Variants in AIFM3 observed in about 807,000 individuals in gnomAD.
The protein encoded by AIFM3 is apoptosis-inducing factor 3.
AIFM3 carries 71 observed loss-of-function variants against 82.7 expected under a neutral mutation model. The observed-to-expected ratio is 0.86, with a 90% confidence interval of 0.71 to 1.05. AIFM3 has a LOEUF of 1.05. AIFM3 is among the 50% of genes least tolerant of loss of function. AIFM3 has a pLI of 0.00. For missense variants in AIFM3, 748 were observed against 816.7 expected, an observed-to-expected ratio of 0.92 and a Z score of 1.03; for synonymous variants, 337 against 329.1, an observed-to-expected ratio of 1.02 and a Z score of -0.26.
At chr22:20,979,581 C>A in intron 17 of AIFM3, 46 bp from the exon 18 acceptor site, 1 of 1,608,794 alleles carries the variant, frequency 6.2e-7, no homozygotes, top group South Asian at 1.1e-5. Context: ...ACGTCTCGTT[C>A]CCTCCCCCGG....
At chr22:20,968,505 G>A (rs1382396015) in intron 2 of AIFM3, among the ~76,000 whole-genome samples, 1 of 151,000 alleles carries the variant, frequency 6.6e-6, no homozygotes, top group African/African-American at 2.4e-5. Flanking sequence ...CTGCCTTCTT[G>A]GCCTTTCTGG....
chr22:20,973,762 C>A lies in AIFM3; in HGVS notation c.250C>A (p.Arg84=), dbSNP rs377274696. ...HVKDLENGQM[R]EVELGWGKVL... ...CTGAGTGCTGCGGTTCCCCAGGATG[C>A]GGGAAGTGGAGCTGGGCTGGGGGAA... Residue 84 remains arginine, a synonymous_variant, in exon 4 of 21, where the codon CGG becomes AGG. Transcript: ENST00000440238. 1.8e-4 allele frequency: 285 copies of A among 1,556,022 alleles called. No individual in the cohort carries two copies. The highest frequency in any genetic ancestry group is 2.4e-4 in the Non-Finnish European group (274 of 1,150,870).
At chr22:20,972,095 GAA>G in intron 2 of AIFM3, among the ~76,000 whole-genome samples, 1 of 152,202 alleles carries the variant, frequency 6.6e-6, no homozygotes, top group Non-Finnish European at 1.5e-5. Context: ...AAATTGGTGA[GAA>G]GAGCTATTTT....
In AIFM3 at chr22:20,973,779, C is replaced by A; in HGVS notation, c.267C>A (p.Gly89=). The A allele has an allele frequency of 6.3e-7, 1 of 1,577,320 alleles. No homozygotes were observed. Among genetic ancestry groups the A allele is most frequent in the South Asian group, 1.2e-5 (1 of 85,092 alleles). ...ENGQMREVEL[G]WGKVLLVKDN... ...CCAGGATGCGGGAAGTGGAGCTGGG[C>A]TGGGGGAAGGTGTTGCTGGTGAAGG... The change falls in exon 4 of 21, where the codon GGC becomes GGA. Residue 89 remains glycine (G), a synonymous_variant. Transcript: ENST00000440238.
At chr22:20,966,077 C>T (rs1465856865), upstream of AIFM3, among the ~76,000 whole-genome samples, 1 of 152,098 alleles carries the variant, frequency 6.6e-6, no homozygotes, top group African/African-American at 2.4e-5. Flanking sequence ...CACAGGGGCC[C>T]CACCCAGTCT....
intron 8 of AIFM3, 89 bp downstream of exon 8, chr22:20,974,905 G>A: frequency 3.8e-6 from 5 of 1,323,182 alleles, no homozygotes; most frequent in Non-Finnish European, 4.2e-6. Flanking sequence ...ATTGGGGTCT[G>A]GCCGGCTGCC....
chr22:20,977,622 G>A, intron 14 of AIFM3, 78 bp from the exon 15 acceptor site: 1 of 1,571,326 alleles, frequency 6.4e-7, no homozygotes, highest in Non-Finnish European at 8.8e-7. Context: ...GGCACATCAA[G>A]CGCATGCTGT....
At chr22:20,979,524 A>C in intron 17 of AIFM3, 103 bp from the exon 18 acceptor site, 1 of 1,497,050 alleles carries the variant, frequency 6.7e-7, no homozygotes, top group Non-Finnish European at 9.3e-7. Flanking sequence ...ACTACCTAAA[A>C]GGACGTATGG....
Position 20,976,907 on chromosome 22 carries a change from A to T in AIFM3, c.1187A>T (p.Glu396Val). Residue 396 changes from glutamate (E) to valine (V), a missense_variant, in exon 13 of 21, where the codon GAG becomes GTG. Physicochemically the swap from Glu to Val is moderately radical, Grantham distance 121. Transcript: ENST00000440238. ...CGGGTGAAGTTCTACATGCAGACGGAGGTGTCTGAGCTGCGGGGCCAGGAG... is the reference window on the plus strand; with the variant it reads ...CGGGTGAAGTTCTACATGCAGACGGTGGTGTCTGAGCTGCGGGGCCAGGAG... Reference protein sequence around the residue: ...NNRVKFYMQTEVSELRGQEGK... With the variant: ...NNRVKFYMQTVVSELRGQEGK... The T allele has an allele frequency of 6.2e-7, 1 of 1,608,994 alleles. No individual in the cohort carries two copies. The highest frequency in any genetic ancestry group is 8.5e-7 in the Non-Finnish European group (1 of 1,176,482).
chr22:20,974,903 C>A, intron 8 of AIFM3, 87 bp downstream of exon 8: 1 of 1,329,028 alleles, frequency 7.5e-7, no homozygotes, highest in Non-Finnish European at 1.1e-6. Context: ...CCATTGGGGT[C>A]TGGCCGGCTG....
chr22:20,980,638 A>T, intron 19 of AIFM3, 109 bp from the exon 20 acceptor site: 1 of 1,469,524 alleles, frequency 6.8e-7, no homozygotes, highest in Non-Finnish European at 9.5e-7. Context: ...AGGCTATGAG[A>T]CAGGGGCAGG....
Position 20,974,147 on chromosome 22 carries a change from G to T in AIFM3, c.440G>T (p.Gly147Val). The T allele has an allele frequency of 6.2e-7, 1 of 1,613,390 alleles. No individual in the cohort carries two copies. Among genetic ancestry groups the T allele is most frequent in the Non-Finnish European group, 8.5e-7 (1 of 1,179,916 alleles). The part of the protein sequence containing the change: ...ISTGDLEDFP[G>V]LDSLHKFQVK... ...ACTGGGGACCTGGAGGACTTCCCTG[G>T]CCTGGACAGTCTACACAAGTTCCAG... is the stretch of plus-strand genomic sequence containing the variant. Residue 147 changes from glycine to valine, a missense_variant, in exon 5 of 21, where the codon GGC (glycine) becomes GTC (valine). Physicochemically the swap from Gly to Val is moderately radical, Grantham distance 109. This residue lies in a region of AIFM3 where 393 missense variants were observed against 481.1 expected (regional missense o/e 0.82). Coordinates refer to ENST00000440238, the MANE Select transcript of AIFM3 (RefSeq NM_001386814.1).
At chr22:20,977,620 A>C in intron 14 of AIFM3, 80 bp from the exon 15 acceptor site, 4 of 1,560,374 alleles carry the variant, frequency 2.6e-6, no homozygotes, top group Non-Finnish European at 2.6e-6. Flanking sequence ...CTGGCACATC[A>C]AGCGCATGCT....
chr22:20,973,736 T>A (rs1171031260), intron 3 of AIFM3, 22 bp from the exon 4 acceptor site: 3 of 1,525,370 alleles, frequency 2.0e-6, no homozygotes, highest in African/African-American at 1.4e-5. Context: ...TGGCCTGACC[T>A]CTGAGTGCTG....
chr22:20,979,931 TG>T, intron 18 of AIFM3, 88 bp from the exon 19 acceptor site: 1 of 1,315,242 alleles, frequency 7.6e-7, no homozygotes, highest in Non-Finnish European at 1.1e-6. Context: ...GGTCCTTCCC[TG>T]GGCCCCAGAT....
In AIFM3 at chr22:20,976,878, C is replaced by T; in HGVS notation, c.1158C>T (p.Asn386=). ...ACTTGCCCTGACAGATGTTTGAGAA[C>T]AACCGGGTGAAGTTCTACATGCAGA... ...VGRALMKMFE[N]NRVKFYMQTE... Residue 386 remains asparagine (N), a synonymous_variant, in exon 13 of 21, where the codon AAC becomes AAT. Coordinates refer to ENST00000440238, the MANE Select transcript of AIFM3 (RefSeq NM_001386814.1). 1.2e-6 allele frequency: 2 copies of T among 1,602,660 alleles called. No individual in the cohort carries two copies. Among genetic ancestry groups the T allele is most frequent in the Non-Finnish European group, 1.7e-6 (2 of 1,172,762 alleles).
rs1164998942 is a variant in AIFM3, at chr22:20,974,558, G to A, written c.544G>A (p.Ala182Thr). 1 of 1,613,664 alleles carries A rather than the reference G, an allele frequency of 6.2e-7. No homozygotes were observed. The highest frequency in any genetic ancestry group is 8.5e-7 in the Non-Finnish European group (1 of 1,179,864). ...GCTGCAGCGAAGGACCAAGGTGATG[G>A]CCAAGTGTATCTCTCCAAGTGCTGG... ...LQLQRRTKVM[A>T]KCISPSAGYS... Residue 182 changes from alanine to threonine, a missense_variant, in exon 7 of 21, where the codon GCC (alanine) becomes ACC (threonine). Around this residue, in one of 5 missense-constraint regions of AIFM3, gnomAD observed 393 missense variants for 481.1 expected, o/e 0.82. Coordinates refer to ENST00000440238, the MANE Select transcript of AIFM3 (RefSeq NM_001386814.1).
At position 20,977,040 on chromosome 22, in the gene AIFM3, G is replaced by A; in HGVS notation, c.1227G>A (p.Glu409=). 2 of 1,614,202 alleles carry A rather than the reference G, an allele frequency of 1.2e-6. No individual in the cohort carries two copies. The highest frequency in any genetic ancestry group is 1.7e-6 in the Non-Finnish European group (2 of 1,180,030). Reference sequence around the variant, plus strand: ...CCACCCACTCCCCACAGCTGAAGGAGGTTGTGCTGAAGAGCAGCAAGGTCG... The same window carrying A: ...CCACCCACTCCCCACAGCTGAAGGAAGTTGTGCTGAAGAGCAGCAAGGTCG... The part of the protein sequence containing the change: ...ELRGQEGKLK[E]VVLKSSKVVR... Residue 409 remains glutamate, a synonymous_variant, in exon 14 of 21, where the codon GAG becomes GAA. Coordinates refer to ENST00000440238, the MANE Select transcript of AIFM3 (RefSeq NM_001386814.1).
chr22:20,968,059 T>C, intron 2 of AIFM3, 84 bp downstream of exon 2: 2 of 1,412,626 alleles, frequency 1.4e-6, no homozygotes, highest in Non-Finnish European at 1.9e-6. Context: ...CCCTCTGCAC[T>C]CGGTAGGCCT....
Sources: gnomAD v4.1 joint callset for allele counts (sites outside exome capture counted in the v4.1 genomes callset) on GRCh38, gnomAD v4.1.1 for gene constraint, gnomAD v4.1.1 regional missense constraint, MANE v1.5 for transcripts, NCBI Gene and HGNC (gene_info 2026-07-23, HGNC 2026-07-21) for gene names.